PIAS2: variants seen among roughly 807,000 people sequenced by gnomAD.
PIAS2 encodes E3 SUMO-protein ligase PIAS2.
In PIAS2, 19 loss-of-function variants were observed where a neutral mutation model predicts 69.7. The observed-to-expected ratio is 0.27, with a 90% CI of 0.19 to 0.40. The LOEUF (loss-of-function observed/expected upper bound fraction) is 0.40, where lower values mean the gene tolerates loss of function less well. Among genes scored for constraint, PIAS2 ranks in the 10% least tolerant of loss-of-function variants. The pLI is 1.00. For missense variants in PIAS2, 624 were observed against 757.0 expected (o/e 0.82, Z 2.06); for synonymous variants, 261 against 263.2 (o/e 0.99, Z 0.08).
At chr18:46,815,622 T>C (rs1451287330) in intron 12 of PIAS2, 16 of 1,091,752 alleles carry the variant, frequency 1.5e-5, no homozygotes, top group Non-Finnish European at 1.8e-5. Context: ...AAAACAAATA[T>C]TTCCCCCTTT....
At chr18:46,895,076 A>G (rs1790378) in intron 1 of PIAS2, among the ~76,000 whole-genome samples, 20 of 127,586 alleles carry the variant, frequency 1.6e-4, no homozygotes, top group African/African-American at 3.7e-4. Context: ...TCCATCTCGG[A>G]AAAAAAAAAA....
rs913310857 is a variant in PIAS2, at chr18:46,916,932, T to G, written c.24+390A>C. 4.1e-6 allele frequency: 4 copies of G among 985,370 alleles called. No homozygotes were observed. The African/African-American group carries it at 7.0e-5, about 17-fold the overall frequency. The allele number at this position is 985,370 out of a possible 1,614,324, so 61.0% of individuals were successfully genotyped here. ...ACCAAGTGAGTAGCATGCAGACTTG[T>G]GAATAGCCACAGACACGTACACCCC... On this transcript the variant is annotated intron_variant, in intron 1 of 13. Coordinates refer to ENST00000585916, the MANE Select transcript of PIAS2 (RefSeq NM_004671.5).
intron 12 of PIAS2, among the ~76,000 whole-genome samples, chr18:46,819,489 T>C (rs1009206904): frequency 6.6e-6 from 1 of 152,148 alleles, no homozygotes; most frequent in African/African-American, 2.4e-5. Flanking sequence ...TACTATAAAA[T>C]GTCTATTCTT....
rs544228882 is a variant in PIAS2 at position 46,900,690 on chromosome 18, T to C, written c.25-9636A>G. Among the ~76,000 whole-genome samples the C allele has an allele frequency of 4.1e-5, 6 of 145,904 alleles. No homozygotes were observed. The South Asian group carries it at 8.8e-4, about 21-fold the overall frequency. ...GACCTCATCTGAAAAAAATACAAAA[T>C]AGAGGCTGGGCACAGTGGCTCACAC... On this transcript the variant is annotated intron_variant, in intron 1 of 13. Transcript: ENST00000585916.
chr18:46,861,960 T>C (rs750593986), intron 3 of PIAS2, among the ~76,000 whole-genome samples: 3 of 152,152 alleles, frequency 2.0e-5, no homozygotes, highest in Non-Finnish European at 4.4e-5. Flanking sequence ...ATATAAGATT[T>C]AATATTAAAG....
rs2040588958 is a variant in PIAS2, at chr18:46,804,213, A to T, written c.*8220T>A. On this transcript the variant is annotated 3_prime_UTR_variant, in exon 14 of 14. Coordinates refer to ENST00000585916, the MANE Select transcript of PIAS2 (RefSeq NM_004671.5). ...AAAGTTATCACCTCTGCCCTCATGG[A>T]GCTTACAATCTAGTAGGGGAAACAC... 1 of 152,142 alleles carries T rather than the reference A, an allele frequency of 6.6e-6. No homozygotes were observed. Among genetic ancestry groups the T allele is most frequent in the South Asian group, 2.1e-4 (1 of 4,826 alleles). 9.4% of individuals were successfully genotyped at this position (152,142 alleles called of 1,614,324 possible).
At chr18:46,917,113 A>T (rs1252144469) in intron 1 of PIAS2, 1 of 991,332 alleles carries the variant, frequency 1.0e-6, no homozygotes, top group Non-Finnish European at 1.2e-6. Context: ...GCCGCGGCCC[A>T]GGCCCGCCGC....
intron 1 of PIAS2, among the ~76,000 whole-genome samples, chr18:46,902,010 T>C (rs2055935563): frequency 6.6e-6 from 1 of 152,126 alleles, no homozygotes; most frequent in Admixed American, 6.5e-5. Flanking sequence ...ATTGTTCACA[T>C]AGAAAATCTC....
chr18:46,870,422 T>G (rs913452876), intron 2 of PIAS2, among the ~76,000 whole-genome samples: 3 of 151,992 alleles, frequency 2.0e-5, no homozygotes, highest in African/African-American at 7.3e-5. Context: ...GAGACCATCC[T>G]GGCTAACATG....
At chr18:46,905,674 T>C (rs1265334751) in intron 1 of PIAS2, 2 of 152,110 alleles carry the variant, frequency 1.3e-5, no homozygotes. Flanking sequence ...AACAACTAAA[T>C]GCTACAAATT....
intron 12 of PIAS2, chr18:46,817,348 T>C: frequency 1.0e-6 from 1 of 974,902 alleles, no homozygotes; most frequent in Non-Finnish European, 1.2e-6. Context: ...GAATTTCAAT[T>C]AAAATACGCA....
intron 1 of PIAS2, among the ~76,000 whole-genome samples, chr18:46,910,536 G>GT (rs2057141993): frequency 6.6e-6 from 1 of 152,164 alleles, no homozygotes; most frequent in Non-Finnish European, 1.5e-5. Flanking sequence ...GAAATTCAAG[G>GT]TATTTCCCCA....
At chr18:46,889,058 C>A (rs1441566819) in intron 2 of PIAS2, among the ~76,000 whole-genome samples, 1 of 152,186 alleles carries the variant, frequency 6.6e-6, no homozygotes, top group African/African-American at 2.4e-5. Context: ...GCTGGACACT[C>A]ACCTAATACC....
At chr18:46,818,542 T>A in intron 12 of PIAS2, 1 of 1,051,756 alleles carries the variant, frequency 9.5e-7, no homozygotes, top group Non-Finnish European at 1.2e-6. Flanking sequence ...GTGTTCTATT[T>A]AATATTTTAT....
rs560371508 is a variant in PIAS2 at position 46,891,540 on chromosome 18, C to A, written c.25-486G>T. On this transcript the variant is annotated intron_variant, in intron 1 of 13. Transcript: ENST00000585916. ...TAAATCCATAAAAATCAAGTCAGAA[C>A]TGTGATCCAAAATGCAATGAATTTT... 2.1e-5 allele frequency: 5 copies of A among 234,406 alleles called. No individual in the cohort carries two copies. In the South Asian group the frequency reaches 4.7e-4, roughly 22 times the overall value. 14.5% of individuals were successfully genotyped at this position (234,406 alleles called of 1,614,324 possible).
chr18:46,891,005 A>C lies in PIAS2; in HGVS notation c.74T>G (p.Phe25Cys), dbSNP rs1489176868. The C allele has an allele frequency of 6.2e-7, 1 of 1,613,020 alleles. No individual in the cohort carries two copies. Among genetic ancestry groups the C allele is most frequent in the Admixed American group, 1.7e-5 (1 of 59,870 alleles). The change falls in exon 2 of 14, where the codon TTT becomes TGT. Residue 25 changes from phenylalanine to cysteine, a missense_variant. Phe to Cys is a radical substitution (Grantham distance 205). This residue lies in a region of PIAS2 where 339 missense variants were observed against 408.8 expected (regional missense o/e 0.83). Transcript: ENST00000585916. ...RVSELQVLLG[F>C]AGRNKSGRKH... ...GCGTCCACTTTTATTCCGTCCAGCA[A>C]AGCCTAGTAATACTTGTAGTTCAGA...
Position 46,812,227 on chromosome 18 carries a change from T to A in PIAS2, c.*206A>T. 1 of 483,596 alleles carries A rather than the reference T, an allele frequency of 2.1e-6. No individual in the cohort carries two copies. Among genetic ancestry groups the A allele is most frequent in the Non-Finnish European group, 3.7e-6 (1 of 272,840 alleles). 30.0% of individuals were successfully genotyped at this position (483,596 alleles called of 1,614,324 possible). A position where few individuals can be genotyped will look rare whatever the true frequency, so the allele number is the denominator to read the frequency against. On this transcript the variant is annotated 3_prime_UTR_variant, in exon 14 of 14. Coordinates refer to ENST00000585916, the MANE Select transcript of PIAS2 (RefSeq NM_004671.5). ...GGTTGAATGTATCTGATGCTGAGAG[T>A]ACAGCATAATTAAGAAAAATCCTTG...
intron 10 of PIAS2, 28 bp downstream of exon 10, chr18:46,829,706 T>C (rs369737848): frequency 1.9e-6 from 3 of 1,602,028 alleles, no homozygotes; most frequent in African/African-American, 1.3e-5. Flanking sequence ...TCTCACTGCT[T>C]TACTCTCTGC....
chr18:46,862,854 C>T (rs965561419), intron 3 of PIAS2, among the ~76,000 whole-genome samples: 3 of 151,958 alleles, frequency 2.0e-5, no homozygotes, highest in Non-Finnish European at 2.9e-5. Context: ...TACAGGCGCC[C>T]GCCACCATGC....
Sources: gnomAD v4.1 joint callset for allele counts (sites outside exome capture counted in the v4.1 genomes callset) on GRCh38, gnomAD v4.1.1 for gene constraint, gnomAD v4.1.1 regional missense constraint, MANE v1.5 for transcripts, NCBI Gene and HGNC (gene_info 2026-07-23, HGNC 2026-07-21) for gene names.